Variants in SRGAP3 observed in about 807,000 individuals in gnomAD.
SRGAP3 encodes the protein SLIT-ROBO Rho GTPase activating protein 3.
A neutral mutation model predicts 121.1 loss-of-function variants in SRGAP3; 39 were observed. The ratio of observed to expected loss-of-function variants is 0.32; its 90% CI spans 0.25 to 0.42. The LOEUF (loss-of-function observed/expected upper bound fraction) is 0.42, where lower values mean the gene tolerates loss of function less well. Ranked by LOEUF, SRGAP3 falls within the 10% of genes least tolerant of loss-of-function variation. SRGAP3 has a pLI of 1.00. For missense variants in SRGAP3, 1,213 were observed against 1,470.6 expected (o/e 0.82, Z 2.86); for synonymous variants, 601 against 570.0 (o/e 1.05, Z -0.77).
At chr3:9,184,413 G>A (rs779176746) in intron 1 of SRGAP3, among the ~76,000 whole-genome samples, 32 of 152,240 alleles carry the variant, frequency 2.1e-4, no homozygotes, top group Non-Finnish European at 3.2e-4. Flanking sequence ...TCTTTTGAGC[G>A]TCAGTTTCTT....
rs1950061214 is a variant in SRGAP3 at position 9,147,400 on chromosome 3, A to C, written c.68-22483T>G. On this transcript the variant is annotated intron_variant, in intron 1 of 21. Transcript: ENST00000383836. ...GAGGCAGTTTCACACACCTGATCTC[A>C]TTTAACACTGACCACAAACCTACAG... 2.0e-5 allele frequency among the ~76,000 whole-genome samples: 3 copies of C among 152,086 alleles called. No homozygotes were observed. The South Asian group carries it at 6.2e-4, about 32-fold the overall frequency.
chr3:9,139,319 G>T (rs1949770235), intron 1 of SRGAP3, among the ~76,000 whole-genome samples: 4 of 152,192 alleles, frequency 2.6e-5, no homozygotes, highest in South Asian at 2.1e-4. Context: ...GGACGTTGCA[G>T]ATGTGATTAA....
intron 1 of SRGAP3, among the ~76,000 whole-genome samples, chr3:9,191,108 C>T (rs571825123): frequency 2.7e-4 from 41 of 152,334 alleles, no homozygotes; most frequent in African/African-American, 9.9e-4. Context: ...CCCAGCCCAT[C>T]CCACAAGTCT....
intron 1 of SRGAP3, among the ~76,000 whole-genome samples, chr3:9,180,621 C>T (rs149665435): frequency 7.7e-4 from 117 of 152,370 alleles, no homozygotes; most frequent in African/African-American, 2.7e-3. Context: ...CCTGCAATCA[C>T]ACGAGAAACC....
intron 1 of SRGAP3, chr3:9,348,648 G>A (rs1955950774): frequency 2.8e-6 from 3 of 1,077,400 alleles, no homozygotes; most frequent in South Asian, 2.5e-5. Context: ...CCTCTGGACA[G>A]TGCTAGATGC....
At chr3:9,259,508 T>C (rs776657254) in intron 3 of SRGAP3, among the ~76,000 whole-genome samples, 1 of 152,186 alleles carries the variant, frequency 6.6e-6, no homozygotes, top group Admixed American at 6.5e-5. Context: ...GTGGTCTCAC[T>C]GTATTGCTGA....
chr3:9,272,167 TAGAAAATGTTGTC>T, intron 3 of SRGAP3, among the ~76,000 whole-genome samples: 1 of 152,230 alleles, frequency 6.6e-6, no homozygotes, highest in Non-Finnish European at 1.5e-5. Context: ...CCCTTCGTAG[TAGAAAATGTTGTC>T]AGTCGTTACG....
intron 1 of SRGAP3, among the ~76,000 whole-genome samples, chr3:9,204,104 C>G (rs1952177500): frequency 6.6e-6 from 1 of 152,238 alleles, no homozygotes. Flanking sequence ...GGGACCAACA[C>G]CTCAGCAGTG....
intron 1 of SRGAP3, among the ~76,000 whole-genome samples, chr3:9,229,068 C>CAA (rs61231273): frequency 0.021 from 1,529 of 73,514 alleles, 45 homozygotes; most frequent in Non-Finnish European, 0.031. Flanking sequence ...GACTCCGTCT[C>CAA]AAAAAAAAAA....
intron 3 of SRGAP3, among the ~76,000 whole-genome samples, chr3:9,094,437 T>C (rs1053545028): frequency 1.3e-5 from 2 of 152,220 alleles, no homozygotes; most frequent in African/African-American, 4.8e-5. Context: ...AACATTCTCA[T>C]ACAGTTTTGT....
chr3:9,187,485 C>A (rs982805913), intron 1 of SRGAP3, among the ~76,000 whole-genome samples: 1 of 152,158 alleles, frequency 6.6e-6, no homozygotes, highest in Non-Finnish European at 1.5e-5. Context: ...TTCAAGGAAG[C>A]ACAGTCTTCA....
chr3:9,283,184 AC>A (rs574195363), intron 3 of SRGAP3, among the ~76,000 whole-genome samples: 10 of 149,348 alleles, frequency 6.7e-5, no homozygotes, highest in East Asian at 2.0e-4. Flanking sequence ...CAGGTGATCC[AC>A]CCCCCCTCGG....
intron 9 of SRGAP3, 43 bp downstream of exon 9, chr3:9,052,984 G>A: frequency 2.5e-6 from 4 of 1,603,410 alleles, no homozygotes; most frequent in Non-Finnish European, 3.4e-6. Context: ...CACTGCCAGT[G>A]GCTTGGCCGA....
chr3:9,013,578 G>C, intron 16 of SRGAP3, 43 bp from the exon 17 acceptor site: 1 of 1,604,492 alleles, frequency 6.2e-7, no homozygotes, highest in Non-Finnish European at 8.5e-7. Flanking sequence ...GGAAAGGCAA[G>C]TCCTCCCCCT....
At chr3:9,082,711 C>T (rs1396678953) in intron 3 of SRGAP3, among the ~76,000 whole-genome samples, 2 of 152,252 alleles carry the variant, frequency 1.3e-5, no homozygotes, top group Non-Finnish European at 2.9e-5. Flanking sequence ...GCTGGACCAG[C>T]TGCTAATGGG....
intron 10 of SRGAP3, among the ~76,000 whole-genome samples, chr3:9,045,548 C>T (rs574323929): frequency 2.0e-5 from 3 of 151,662 alleles, no homozygotes; most frequent in African/African-American, 4.9e-5. Flanking sequence ...TTGATGATGA[C>T]CGTCATCATC....
chr3:9,119,787 A>G (rs1055164342), intron 2 of SRGAP3, among the ~76,000 whole-genome samples: 1 of 152,202 alleles, frequency 6.6e-6, no homozygotes, highest in Non-Finnish European at 1.5e-5. Context: ...CTGACACTAC[A>G]TGGAGAGGGA....
In SRGAP3 at chr3:9,348,507, T is replaced by G. The variant is rs1210449214; in HGVS notation, n.214+14333A>C. 74 of 744,754 alleles carry G rather than the reference T, an allele frequency of 9.9e-5. No individual in the cohort carries two copies. The Admixed American group carries it at 1.3e-3, about 13-fold the overall frequency. 46.1% of individuals were successfully genotyped at this position (744,754 alleles called of 1,614,324 possible). A position where few individuals can be genotyped will look rare whatever the true frequency, so the allele number is the denominator to read the frequency against. ...AGCATGTGGAATCCGGAGAACCGCT[T>G]CAGCAGCTGGTACAACACCGACCTG... On this transcript the variant is annotated intron_variant and non_coding_transcript_variant, in intron 1 of 3. Transcript: ENST00000490889.
chr3:9,149,887 T>C (rs1028332102), intron 1 of SRGAP3, among the ~76,000 whole-genome samples: 1 of 152,164 alleles, frequency 6.6e-6, no homozygotes, highest in Non-Finnish European at 1.5e-5. Flanking sequence ...CCCCCATCTA[T>C]TCATGCACCC....
Sources: allele counts gnomAD v4.1 joint callset (sites outside exome capture counted in the v4.1 genomes callset), GRCh38; gene constraint gnomAD v4.1.1; transcripts MANE v1.5; gene names NCBI Gene and HGNC (gene_info 2026-07-23, HGNC 2026-07-21).